Variants in ATP10B observed in about 807,000 individuals in gnomAD.
ATP10B encodes ATPase phospholipid transporting 10B (putative).
Under a neutral mutation model 141.2 loss-of-function variants are expected in ATP10B, and 122 were observed. The ratio of observed to expected loss-of-function variants is 0.86; its 90% confidence interval spans 0.75 to 1.00. The LOEUF (loss-of-function observed/expected upper bound fraction) is 1.00, where lower values mean the gene tolerates loss of function less well. ATP10B is among the 50% of genes least tolerant of loss of function. ATP10B has a pLI of 0.00. For synonymous variants in ATP10B, 685 were observed against 692.0 expected (o/e 0.99, Z 0.16); for missense variants, 1,876 against 1,825.3 (o/e 1.03, Z -0.51).
At chr5:160,895,404 C>G in the ATP10B span, among the ~76,000 whole-genome samples, 1 of 152,062 alleles carries the variant, frequency 6.6e-6, no homozygotes, top group Middle Eastern at 3.2e-3. Context: ...GTTGCAATCC[C>G]AGTCTCTGAT....
At chr5:160,602,806 G>A in intron 20 of ATP10B, 104 bp from the exon 21 acceptor site, 1 of 1,505,096 alleles carries the variant, frequency 6.6e-7, no homozygotes, top group Non-Finnish European at 9.1e-7. Flanking sequence ...GGCCAGCAGA[G>A]TCCTAAAGAC....
intron 1 of ATP10B, among the ~76,000 whole-genome samples, chr5:160,826,712 G>A (rs1774629913): frequency 6.6e-6 from 1 of 152,022 alleles, no homozygotes; most frequent in Non-Finnish European, 1.5e-5. Context: ...TCTTTTCCTA[G>A]CAAGGAATAT....
chr5:160,563,195 G>A lies in ATP10B; in HGVS notation c.*2258C>T, dbSNP rs1754345678. Reference sequence around the variant, plus strand: ...TTCCAATCAGTAAAATATCATAAAAGTATAAAAATGTACTAAGTACAATCA... The same window carrying A: ...TTCCAATCAGTAAAATATCATAAAAATATAAAAATGTACTAAGTACAATCA... On this transcript the variant is annotated 3_prime_UTR_variant, in exon 26 of 26. Coordinates refer to ENST00000327245, the MANE Select transcript of ATP10B (RefSeq NM_025153.3). 6.6e-6 allele frequency: 1 copy of A among 152,124 alleles called. No individual in the cohort carries two copies. Among genetic ancestry groups the A allele is most frequent in the African/African-American group, 2.4e-5 (1 of 41,424 alleles). 9.4% of individuals were successfully genotyped at this position (152,124 alleles called of 1,614,324 possible).
At chr5:160,669,658 G>A (rs1385712751) in intron 7 of ATP10B, among the ~76,000 whole-genome samples, 1 of 136,544 alleles carries the variant, frequency 7.3e-6, no homozygotes, top group Non-Finnish European at 1.5e-5. Flanking sequence ...TATTGCCCAG[G>A]CTGTGATCTT....
At chr5:160,596,092 A>C (rs577319295) in intron 22 of ATP10B, among the ~76,000 whole-genome samples, 322 of 151,938 alleles carry the variant, frequency 2.1e-3, no homozygotes, top group Middle Eastern at 3.4e-3. Flanking sequence ...ACAACCAAAA[A>C]AGAGAATTTT....
chr5:160,806,749 G>A (rs4628026), intron 1 of ATP10B, among the ~76,000 whole-genome samples: 5,499 of 152,250 alleles, frequency 0.036, 130 homozygotes, highest in Non-Finnish European at 0.061. Context: ...GTAATTGAGA[G>A]GACAGAGTTT....
chr5:160,632,475 G>A (rs1759005500), intron 12 of ATP10B, 108 bp from the exon 13 acceptor site: 7 of 1,029,630 alleles, frequency 6.8e-6, no homozygotes, highest in Non-Finnish European at 1.0e-5. Flanking sequence ...AAGGGCCTAT[G>A]CTACTCTGAA....
At chr5:160,928,438 C>T in the ATP10B span, among the ~76,000 whole-genome samples, 1 of 152,218 alleles carries the variant, frequency 6.6e-6, no homozygotes, top group South Asian at 2.1e-4. Context: ...CCAAATAGTT[C>T]CTCACCAGCC....
the ATP10B span, among the ~76,000 whole-genome samples, chr5:160,860,607 C>A: frequency 6.6e-6 from 1 of 152,042 alleles, no homozygotes; most frequent in African/African-American, 2.4e-5. Context: ...GGGGCATGAA[C>A]AGACTCAGCT....
intron 1 of ATP10B, among the ~76,000 whole-genome samples, chr5:160,825,035 T>C (rs1774473957): frequency 6.6e-6 from 1 of 152,190 alleles, no homozygotes; most frequent in Admixed American, 6.5e-5. Flanking sequence ...TCTCTGGGAC[T>C]TTAATTCACC....
chr5:160,637,425 G>A (rs549250797), intron 10 of ATP10B, among the ~76,000 whole-genome samples: 2 of 152,202 alleles, frequency 1.3e-5, no homozygotes, highest in African/African-American at 4.8e-5. Flanking sequence ...ACTAATTCTT[G>A]TCATTGTGGA....
At position 160,815,744 on chromosome 5, in the gene ATP10B, T is replaced by C. The variant is rs74701344; in HGVS notation, c.-575-29941A>G. Among the ~76,000 whole-genome samples the C allele has an allele frequency of 5.3e-5, 8 of 152,290 alleles. No individual in the cohort carries two copies. The South Asian group carries it at 1.5e-3, about 28-fold the overall frequency. ...CCACCACACAATACCTATACCAAAA[T>C]TGACCACATAGTTGGAAGTAAAGCA... On this transcript the variant is annotated intron_variant, in intron 1 of 25. Transcript: ENST00000327245.
chr5:160,835,540 G>A (rs1185684966), intron 1 of ATP10B, among the ~76,000 whole-genome samples: 2 of 152,126 alleles, frequency 1.3e-5, no homozygotes, highest in Non-Finnish European at 2.9e-5. Flanking sequence ...CCACTGGCTT[G>A]AATTCAGCTT....
chr5:160,634,376 G>A lies in ATP10B; in HGVS notation c.1359C>T (p.Ser453=), dbSNP rs375969502. The change falls in exon 12 of 26, where the codon AGC becomes AGT. Residue 453 remains serine (S), a synonymous_variant. Transcript: ENST00000327245. Reference sequence around the variant, plus strand: ...TACCATTTTCTTGGTGAGAATACTCGCTGCCCATGATGGTGCAACGTCGGA... The same window carrying A: ...TACCATTTTCTTGGTGAGAATACTCACTGCCCATGATGGTGCAACGTCGGA... The part of the protein sequence containing the change: ...MVFRRCTIMG[S]EYSHQENAKR... 18 of 1,614,036 alleles carry A rather than the reference G, an allele frequency of 1.1e-5. No individual in the cohort carries two copies. The highest frequency in any genetic ancestry group is 2.2e-5 in the South Asian group (2 of 91,068).
intron 4 of ATP10B, 141 bp from the exon 5 acceptor site, chr5:160,688,235 C>A: frequency 1.2e-6 from 1 of 828,356 alleles, no homozygotes; most frequent in Non-Finnish European, 1.8e-6. Flanking sequence ...AACTAAAGGT[C>A]ACTAGATCCT....
intron 1 of ATP10B, among the ~76,000 whole-genome samples, chr5:160,813,116 G>C (rs1581580803): frequency 1.3e-5 from 2 of 152,228 alleles, no homozygotes; most frequent in Non-Finnish European, 2.9e-5. Flanking sequence ...CATCTCACTG[G>C]GGAGTGTCAG....
At chr5:160,736,118 A>G (rs981698410) in intron 2 of ATP10B, among the ~76,000 whole-genome samples, 1 of 152,292 alleles carries the variant, frequency 6.6e-6, no homozygotes, top group Non-Finnish European at 1.5e-5. Flanking sequence ...TAGTCGAAGA[A>G]AAGAAATAAA....
At chr5:160,868,521 TACACACACACACAC>T in the ATP10B span, among the ~76,000 whole-genome samples, 81 of 130,402 alleles carry the variant, frequency 6.2e-4, no homozygotes, top group South Asian at 3.0e-3. Flanking sequence ...TATGAACAGA[TACACACACACACAC>T]ACACACACAC....
At chr5:160,768,408 C>T (rs1209375008) in intron 2 of ATP10B, among the ~76,000 whole-genome samples, 2 of 152,130 alleles carry the variant, frequency 1.3e-5, no homozygotes, top group Non-Finnish European at 2.9e-5. Flanking sequence ...CTGTTAACTA[C>T]TTTATATTGC....
Sources: gnomAD v4.1 joint callset for allele counts (sites outside exome capture counted in the v4.1 genomes callset) on GRCh38, gnomAD v4.1.1 for gene constraint, MANE v1.5 for transcripts, NCBI Gene and HGNC (gene_info 2026-07-23, HGNC 2026-07-21) for gene names.